GALNT18: variants seen among roughly 807,000 people sequenced by gnomAD.
GALNT18 encodes GalNAc-transferase 18.
Under a neutral mutation model 69.5 loss-of-function variants are expected in GALNT18, and 44 were observed. The observed-to-expected ratio is 0.63, with a 90% CI of 0.50 to 0.81. The LOEUF is 0.81. Among genes scored for constraint, GALNT18 ranks in the 40% least tolerant of loss-of-function variants. The pLI, the probability that GALNT18 is intolerant of heterozygous loss-of-function variation, is 0.00. For synonymous variants in GALNT18, 364 were observed against 318.2 expected (o/e 1.14, Z -1.53); for missense variants, 715 against 810.0 (o/e 0.88, Z 1.42).
rs545330458 is a variant in GALNT18 at position 11,591,600 on chromosome 11, C to G, written c.235+29759G>C. Among the ~76,000 whole-genome samples the G allele has an allele frequency of 1.1e-5, 1 of 89,132 alleles. No individual in the cohort carries two copies. The highest frequency in any genetic ancestry group is 2.9e-4 in the East Asian group (1 of 3,506). The allele number at this position is 89,132 out of a possible 152,430, so 58.5% of individuals were successfully genotyped here. A position where few individuals can be genotyped will look rare whatever the true frequency, so the allele number is the denominator to read the frequency against. ...TCATTCTGCCCACAAGGAAAGCAGCCCCCCCAGTGAGTCCTGCTGTCATTT... is the reference window on the plus strand; with the variant it reads ...TCATTCTGCCCACAAGGAAAGCAGCGCCCCCAGTGAGTCCTGCTGTCATTT... On this transcript the variant is annotated intron_variant, in intron 1 of 10. Coordinates refer to ENST00000227756, the MANE Select transcript of GALNT18 (RefSeq NM_198516.3). The surrounding 1 kb of genome is among the most constrained non-coding windows in gnomAD (Gnocchi z 4.8).
intron 1 of GALNT18, among the ~76,000 whole-genome samples, chr11:11,487,430 A>C (rs1856668428): frequency 6.6e-6 from 1 of 152,242 alleles, no homozygotes; most frequent in Admixed American, 6.5e-5. Flanking sequence ...TGTAAAAAAT[A>C]AAATAAAAAA....
intron 1 of GALNT18, among the ~76,000 whole-genome samples, chr11:11,532,015 C>CT (rs1857662399): frequency 6.6e-6 from 1 of 152,090 alleles, no homozygotes; most frequent in African/African-American, 2.4e-5. Context: ...TAGGATACAC[C>CT]TTTTTCCTGA....
intron 2 of GALNT18, among the ~76,000 whole-genome samples, chr11:11,438,933 G>A (rs1174811734): frequency 6.6e-6 from 1 of 152,192 alleles, no homozygotes; most frequent in African/African-American, 2.4e-5. Flanking sequence ...CGAGGCTGCT[G>A]TGTCTTCTGT....
intron 1 of GALNT18, among the ~76,000 whole-genome samples, chr11:11,451,343 C>T (rs1309451123): frequency 2.0e-5 from 3 of 152,066 alleles, no homozygotes; most frequent in East Asian, 1.9e-4. Context: ...TTATTGCTCT[C>T]GAATACCTAA....
chr11:11,426,409 A>G (rs1038494437), intron 3 of GALNT18, among the ~76,000 whole-genome samples: 4 of 152,236 alleles, frequency 2.6e-5, no homozygotes, highest in Non-Finnish European at 4.4e-5. Context: ...GACAACAATT[A>G]GAACAGTGAC....
intron 1 of GALNT18, among the ~76,000 whole-genome samples, chr11:11,552,089 T>C (rs950169624): frequency 2.6e-5 from 4 of 152,246 alleles, no homozygotes; most frequent in African/African-American, 7.2e-5. Context: ...GAGGATATGA[T>C]GGCTTAGCTT....
At chr11:11,569,635 C>T (rs1858737995) in intron 1 of GALNT18, among the ~76,000 whole-genome samples, 1 of 152,178 alleles carries the variant, frequency 6.6e-6, no homozygotes, top group Non-Finnish European at 1.5e-5. Context: ...GGCTATGTCC[C>T]ATCTGCCTGG....
At chr11:11,299,994 G>C (rs1008417219) in intron 9 of GALNT18, among the ~76,000 whole-genome samples, 5 of 152,188 alleles carry the variant, frequency 3.3e-5, no homozygotes, top group African/African-American at 9.7e-5. Flanking sequence ...GCTAAACAAA[G>C]ACTGAGATGC....
chr11:11,385,344 G>A (rs1854024818), intron 3 of GALNT18, among the ~76,000 whole-genome samples: 1 of 150,184 alleles, frequency 6.7e-6, no homozygotes, highest in South Asian at 2.1e-4. Context: ...TGCCCAGGAT[G>A]GAGTGCAGTG....
Position 11,584,392 on chromosome 11 carries a change from C to A in GALNT18, c.235+36967G>T, listed in dbSNP as rs1386100918. On this transcript the variant is annotated intron_variant, in intron 1 of 10. Coordinates refer to ENST00000227756, the MANE Select transcript of GALNT18 (RefSeq NM_198516.3). The surrounding 1 kb of genome is among the most constrained non-coding windows in gnomAD (Gnocchi z 4.1). The stretch of plus-strand genomic sequence containing the variant: ...ATCAAAGTAAACAGGAACCTTGGAG[C>A]CATCAGGTTACTGTTGGAAAGCTGA... 6.6e-6 allele frequency among the ~76,000 whole-genome samples: 1 copy of A among 152,154 alleles called. No individual in the cohort carries two copies. Among genetic ancestry groups the A allele is most frequent in the Non-Finnish European group, 1.5e-5 (1 of 68,018 alleles).
chr11:11,327,437 G>A (rs962729177), intron 8 of GALNT18, among the ~76,000 whole-genome samples: 4 of 152,242 alleles, frequency 2.6e-5, no homozygotes, highest in Admixed American at 6.5e-5. Flanking sequence ...ATGTGCATGC[G>A]TGTGCACACA....
intron 10 of GALNT18, among the ~76,000 whole-genome samples, chr11:11,289,418 C>T (rs79605771): frequency 8.5e-5 from 13 of 152,224 alleles, no homozygotes; most frequent in South Asian, 4.1e-4. Flanking sequence ...GCCCAGTCAC[C>T]GAAGAGCCTT....
chr11:11,327,550 T>A (rs1372433379), intron 8 of GALNT18, among the ~76,000 whole-genome samples: 1 of 152,158 alleles, frequency 6.6e-6, no homozygotes, highest in African/African-American at 2.4e-5. Context: ...TTGGGGGAAA[T>A]GGGCAACATC....
rs945062417 is a variant in GALNT18 at position 11,463,831 on chromosome 11, C to T, written c.236-14895G>A. Among the ~76,000 whole-genome samples, 1 of 152,176 alleles carries T rather than the reference C, an allele frequency of 6.6e-6. No homozygotes were observed. The highest frequency in any genetic ancestry group is 1.5e-5 in the Non-Finnish European group (1 of 68,030). Reference sequence around the variant, plus strand: ...ATTTATCACATGAAAGATGTGAAACCTTTATGCTGTCTCGACGCTCTGTAT... The same window carrying T: ...ATTTATCACATGAAAGATGTGAAACTTTTATGCTGTCTCGACGCTCTGTAT... On this transcript the variant is annotated intron_variant, in intron 1 of 10. Transcript: ENST00000227756. This position sits in a 1 kb window ranked among gnomAD's most constrained non-coding sequence, Gnocchi z 4.2.
intron 1 of GALNT18, among the ~76,000 whole-genome samples, chr11:11,597,940 G>A (rs1486748900): frequency 3.9e-5 from 6 of 152,126 alleles, no homozygotes; most frequent in African/African-American, 7.2e-5. Context: ...GATTACAGGC[G>A]TGAGCCACCG....
At chr11:11,327,388 CACTT>C (rs1243679620) in intron 8 of GALNT18, among the ~76,000 whole-genome samples, 1 of 152,228 alleles carries the variant, frequency 6.6e-6, no homozygotes, top group East Asian at 1.9e-4. Context: ...GCAGGAGAAA[CACTT>C]ACATGTCATT....
At chr11:11,521,382 A>C (rs1248988868) in intron 1 of GALNT18, among the ~76,000 whole-genome samples, 2 of 151,844 alleles carry the variant, frequency 1.3e-5, no homozygotes, top group African/African-American at 2.4e-5. Context: ...TGCTCAGCCC[A>C]CTCTCTGGCC....
chr11:11,451,836 C>A (rs1016106130), intron 1 of GALNT18, among the ~76,000 whole-genome samples: 1 of 152,160 alleles, frequency 6.6e-6, no homozygotes. Context: ...CCAAGGCCAC[C>A]CAGTGTGTCA....
intron 1 of GALNT18, among the ~76,000 whole-genome samples, chr11:11,477,580 G>A (rs1401161665): frequency 6.6e-6 from 1 of 152,208 alleles, no homozygotes; most frequent in Admixed American, 6.5e-5. Context: ...GAAGAGCTGG[G>A]AGAGACAAGC....
Sources: gnomAD v4.1 joint callset for allele counts (sites outside exome capture counted in the v4.1 genomes callset) on GRCh38, gnomAD v4.1.1 for gene constraint, Gnocchi (gnomAD v3.1) non-coding constraint, MANE v1.5 for transcripts, NCBI Gene and HGNC (gene_info 2026-07-23, HGNC 2026-07-21) for gene names.